PDXDC1: variants seen among roughly 807,000 people sequenced by gnomAD.
The protein encoded by PDXDC1 is pyridoxal dependent decarboxylase domain containing 1, also known as pyridoxal-dependent decarboxylase domain-containing protein 1.
PDXDC1 carries 42 observed loss-of-function variants against 100.1 expected under a neutral mutation model. The observed-to-expected ratio is 0.42, with a 90% CI of 0.33 to 0.54. The LOEUF is 0.54. PDXDC1 is among the 20% of genes least tolerant of loss of function. PDXDC1 has a pLI of 0.10. For missense variants in PDXDC1, 636 were observed against 979.2 expected, an observed-to-expected ratio of 0.65 and a Z score of 4.68; for synonymous variants, 260 against 371.7, an observed-to-expected ratio of 0.70 and a Z score of 3.46.
rs747004930 is a variant in PDXDC1 at position 15,127,594 on chromosome 16, G to A, written c.1400-11285G>A. The A allele has an allele frequency of 7.1e-5, 97 of 1,356,678 alleles. 1 individual carries two copies. Among genetic ancestry groups the A allele is most frequent in the South Asian group, 6.2e-4 (50 of 80,324 alleles). 84.0% of individuals were successfully genotyped at this position (1,356,678 alleles called of 1,614,324 possible). A position where few individuals can be genotyped will look rare whatever the true frequency, so the allele number is the denominator to read the frequency against. Reference sequence around the variant, plus strand: ...CGGGCTCAGCCTGGACACATGCCCCGTGCTGTGTGGAGGAGAGGAGGCCAC... The same window carrying A: ...CGGGCTCAGCCTGGACACATGCCCCATGCTGTGTGGAGGAGAGGAGGCCAC... On this transcript the variant is annotated intron_variant, in intron 16 of 16. Transcript: ENST00000535621.
intron 16 of PDXDC1, among the ~76,000 whole-genome samples, chr16:15,055,528 A>AGGCG (rs1274230165): frequency 1.3e-5 from 2 of 152,206 alleles, no homozygotes; most frequent in Non-Finnish European, 2.9e-5. Context: ...GGGTCCCCGA[A>AGGCG]GGCGGGCGGC....
chr16:15,089,206 G>A (rs987824091), intron 16 of PDXDC1, among the ~76,000 whole-genome samples: 4 of 152,094 alleles, frequency 2.6e-5, no homozygotes, highest in Middle Eastern at 3.4e-3. Context: ...TGGGAGGATG[G>A]CTTGAACCCA....
chr16:15,006,032 G>A (rs1269465917), intron 5 of PDXDC1, among the ~76,000 whole-genome samples: 31 of 152,276 alleles, frequency 2.0e-4, no homozygotes, highest in African/African-American at 7.5e-4. Context: ...GGATGTTTTA[G>A]GGCTGAAACT....
At chr16:14,989,600 C>G (rs1358723681) in intron 1 of PDXDC1, 2 of 1,609,684 alleles carry the variant, frequency 1.2e-6, no homozygotes, top group African/African-American at 2.7e-5. Flanking sequence ...CCTCTTGCAG[C>G]AGCACGCAGT....
At chr16:15,039,911 C>G, downstream of PDXDC1, 1 of 990,998 alleles carries the variant, frequency 1.0e-6, no homozygotes, top group Non-Finnish European at 1.6e-6. Context: ...AACTTAAGGC[C>G]TTGACATTTG....
rs766581395 is a variant in PDXDC1 at position 15,037,079 on chromosome 16, G to A, written c.*804G>A. On this transcript the variant is annotated 3_prime_UTR_variant, in exon 23 of 23. Transcript: ENST00000396410. ...AAGAGCTTGCTCTTCCGTGTGCTAC[G>A]TAGCACCCACCTGGTTAAAATCTGA... The A allele has an allele frequency of 1.3e-5, 2 of 152,174 alleles. No homozygotes were observed. The highest frequency in any genetic ancestry group is 2.9e-5 in the Non-Finnish European group (2 of 68,034). The allele number at this position is 152,174 out of a possible 1,614,324, so 9.4% of individuals were successfully genotyped here.
At chr16:15,028,063 G>A (rs1480761872) in intron 14 of PDXDC1, among the ~76,000 whole-genome samples, 6 of 152,250 alleles carry the variant, frequency 3.9e-5, no homozygotes, top group Non-Finnish European at 7.3e-5. Context: ...TTACCATTTC[G>A]GTCGAACAAA....
intron 14 of PDXDC1, among the ~76,000 whole-genome samples, chr16:15,027,792 G>A (rs1206073110): frequency 6.6e-6 from 1 of 152,292 alleles, no homozygotes; most frequent in African/African-American, 2.4e-5. Context: ...ACTTCTGTCT[G>A]CCCACTAGGG....
Position 15,128,041 on chromosome 16 carries a change from C to T in PDXDC1, c.1400-10838C>T, listed in dbSNP as rs576520135. On this transcript the variant is annotated intron_variant, in intron 16 of 16. Transcript: ENST00000535621. ...CCAGGCCCCCGTTGGCCTCCGTCTCCACCGAAAGCCAGTCATTGACCAGGA... is the reference window on the plus strand; with the variant it reads ...CCAGGCCCCCGTTGGCCTCCGTCTCTACCGAAAGCCAGTCATTGACCAGGA... 151 of 1,602,414 alleles carry T rather than the reference C, an allele frequency of 9.4e-5. No homozygotes were observed. In the African/African-American group the frequency reaches 1.8e-3, roughly 19 times the overall value.
chr16:15,140,674 G>A (rs2048458456), downstream of PDXDC1, among the ~76,000 whole-genome samples: 1 of 152,082 alleles, frequency 6.6e-6, no homozygotes, highest in South Asian at 2.1e-4. Flanking sequence ...TACAAACCAG[G>A]TCCTGGAGCT....
At position 15,034,355 on chromosome 16, in the gene PDXDC1, A is replaced by G; in HGVS notation, c.1882A>G (p.Ser628Gly). The change falls in exon 20 of 23, where the codon AGT becomes GGT. Residue 628 changes from serine (S) to glycine (G), a missense_variant. Coordinates refer to ENST00000396410, the MANE Select transcript of PDXDC1 (RefSeq NM_015027.4). ...QEAQVELQKA[S>G]EERLLEEGVL... ...AGCTCAAGTGGAGCTGCAGAAGGCA[A>G]GTGAAGAACGGCTTCTGGAAGAGGT... is the stretch of plus-strand genomic sequence containing the variant. The G allele has an allele frequency of 6.2e-7, 1 of 1,613,530 alleles. No homozygotes were observed. Among genetic ancestry groups the G allele is most frequent in the Non-Finnish European group, 8.5e-7 (1 of 1,179,990 alleles).
chr16:15,128,940 G>C (rs2047908120), intron 16 of PDXDC1, among the ~76,000 whole-genome samples: 1 of 149,400 alleles, frequency 6.7e-6, no homozygotes, highest in Admixed American at 6.7e-5. Context: ...CGAGGAGCTG[G>C]GACTACAGGC....
chr16:15,080,244 T>C (rs912285632), intron 16 of PDXDC1: 1 of 1,105,212 alleles, frequency 9.0e-7, no homozygotes, highest in African/African-American at 1.6e-5. Flanking sequence ...CTATACTGTT[T>C]CTACATGTAT....
Position 15,034,481 on chromosome 16 carries a change from G to C in PDXDC1, c.1930G>C (p.Val644Leu). The C allele has an allele frequency of 6.2e-7, 1 of 1,614,184 alleles. No homozygotes were observed. The highest frequency in any genetic ancestry group is 8.5e-7 in the Non-Finnish European group (1 of 1,180,032). ...EEGVLRQIPV[V>L]GSVLNWFSPV... ...GGGGGTGTTGCGGCAGATCCCTGTA[G>C]TGGGCTCCGTGCTGAATTGGTTTTC... Residue 644 changes from valine (V) to leucine (L), a missense_variant, in exon 21 of 23, where the codon GTG (valine) becomes CTG (leucine). Transcript: ENST00000396410.
At chr16:15,133,461 C>T (rs905706265) in intron 16 of PDXDC1, 53 of 881,346 alleles carry the variant, frequency 6.0e-5, no homozygotes, top group African/African-American at 3.0e-4. Flanking sequence ...GTGGCAGTCT[C>T]GGGGGCGCCC....
intron 6 of PDXDC1, among the ~76,000 whole-genome samples, chr16:15,008,530 T>C (rs540124597): frequency 3.4e-3 from 514 of 152,266 alleles, no homozygotes; most frequent in African/African-American, 0.012. Flanking sequence ...ATACCAAAGA[T>C]AATTACTTGA....
At chr16:15,061,783 G>A (rs2044722646) in intron 16 of PDXDC1, 2 of 1,614,060 alleles carry the variant, frequency 1.2e-6, no homozygotes, top group Non-Finnish European at 1.7e-6. Flanking sequence ...CGGGTGGGGA[G>A]CCCACACTAC....
downstream of PDXDC1, among the ~76,000 whole-genome samples, chr16:15,142,582 C>T (rs1703712982): frequency 6.6e-6 from 1 of 152,144 alleles, no homozygotes; most frequent in Middle Eastern, 3.4e-3. Context: ...CTGCCCTGGG[C>T]AGGACTCAGG....
intron 16 of PDXDC1, chr16:15,044,591 G>A (rs1426944631): frequency 3.3e-6 from 2 of 598,252 alleles, no homozygotes; most frequent in Non-Finnish European, 3.0e-6. Flanking sequence ...GCGAGCTTCT[G>A]GGGACCCTGC....
Sources: allele counts gnomAD v4.1 joint callset (sites outside exome capture counted in the v4.1 genomes callset), GRCh38; gene constraint gnomAD v4.1.1; transcripts MANE v1.5; gene names NCBI Gene and HGNC (gene_info 2026-07-23, HGNC 2026-07-21).